The following RAC1 variants were observed in gnomAD, a reference collection of about 807,000 sequenced individuals.
The protein encoded by RAC1 is ras-related C3 botulinum toxin substrate 1.
In RAC1, 2 loss-of-function variants were observed where a neutral mutation model predicts 25.2. The observed-to-expected ratio is 0.08, with a 90% CI of 0.03 to 0.25. The LOEUF (loss-of-function observed/expected upper bound fraction) is 0.25. Among genes scored for constraint, RAC1 ranks in the 10% least tolerant of loss-of-function variants. RAC1 has a pLI of 1.00. For synonymous variants in RAC1, 88 were observed against 94.0 expected, an observed-to-expected ratio of 0.94 and a Z score of 0.37; for missense variants, 50 against 235.7, an observed-to-expected ratio of 0.21 and a Z score of 5.16.
chr7:6,384,040 C>T (rs1782853911), intron 1 of RAC1, among the ~76,000 whole-genome samples: 1 of 151,892 alleles, frequency 6.6e-6, no homozygotes, highest in Non-Finnish European at 1.5e-5. Flanking sequence ...GGTGATCCGC[C>T]CGCCTTGGCC....
intron 3 of RAC1, chr7:6,398,808 A>G: frequency 8.2e-7 from 1 of 1,216,846 alleles, no homozygotes; most frequent in South Asian, 1.3e-5. Context: ...TTAAGCCTCA[A>G]GCTCCTTGAG....
intron 2 of RAC1, among the ~76,000 whole-genome samples, chr7:6,387,540 G>A (rs1405533043): frequency 6.6e-6 from 1 of 151,930 alleles, no homozygotes; most frequent in African/African-American, 2.4e-5. Context: ...CATGGTCAAC[G>A]TGATGAAACC....
chr7:6,383,746 A>C (rs1467135376), intron 1 of RAC1, among the ~76,000 whole-genome samples: 2 of 136,402 alleles, frequency 1.5e-5, no homozygotes, highest in Non-Finnish European at 3.1e-5. Context: ...CTTGACACTG[A>C]GTGGCAACTA....
At chr7:6,397,572 C>T (rs1248022530) in intron 3 of RAC1, among the ~76,000 whole-genome samples, 2 of 152,154 alleles carry the variant, frequency 1.3e-5, no homozygotes, top group East Asian at 1.9e-4. Context: ...GGATTAGAGG[C>T]GTGAGCGCTT....
intron 1 of RAC1, among the ~76,000 whole-genome samples, chr7:6,378,049 C>T (rs1454915838): frequency 6.6e-6 from 1 of 152,152 alleles, no homozygotes; most frequent in Non-Finnish European, 1.5e-5. Context: ...CTTAAGGAAA[C>T]TCCTGCTCCT....
chr7:6,391,862 A>G, intron 2 of RAC1, 62 bp from the exon 3 acceptor site: 2 of 1,610,342 alleles, frequency 1.2e-6, no homozygotes, highest in South Asian at 2.2e-5. Flanking sequence ...CTTCTCTAGG[A>G]TGGCTGGGAC....
intron 2 of RAC1, among the ~76,000 whole-genome samples, chr7:6,389,773 A>T (rs1183495838): frequency 6.6e-6 from 1 of 151,976 alleles, no homozygotes; most frequent in African/African-American, 2.4e-5. Flanking sequence ...GTGATTCTCC[A>T]CCTTGGTCTC....
At chr7:6,378,165 C>G (rs1410355767) in intron 1 of RAC1, among the ~76,000 whole-genome samples, 1 of 150,066 alleles carries the variant, frequency 6.7e-6, no homozygotes, top group Non-Finnish European at 1.5e-5. Context: ...GTAAATAATT[C>G]CTTCATGAAA....
intron 3 of RAC1, among the ~76,000 whole-genome samples, chr7:6,396,480 A>C (rs1377079952): frequency 6.6e-6 from 1 of 152,178 alleles, no homozygotes; most frequent in Non-Finnish European, 1.5e-5. Context: ...CGCCGGGTGG[A>C]AAGTGGAACT....
At chr7:6,401,302 T>G (rs1274288209) in intron 4 of RAC1, among the ~76,000 whole-genome samples, 1 of 152,200 alleles carries the variant, frequency 6.6e-6, no homozygotes, top group Admixed American at 6.5e-5. Context: ...AGAAGTTTCC[T>G]GGGTCTCATT....
chr7:6,389,058 C>T (rs996434111), intron 2 of RAC1, among the ~76,000 whole-genome samples: 3 of 151,904 alleles, frequency 2.0e-5, no homozygotes, highest in East Asian at 1.9e-4. Flanking sequence ...AGTAGTTAGC[C>T]GGGTGTGGTG....
At chr7:6,381,878 C>T (rs1164534338) in intron 1 of RAC1, among the ~76,000 whole-genome samples, 1 of 152,172 alleles carries the variant, frequency 6.6e-6, no homozygotes, top group Non-Finnish European at 1.5e-5. Context: ...ATCCCCATAC[C>T]TTGTTTGTCA....
intron 1 of RAC1, among the ~76,000 whole-genome samples, chr7:6,378,468 C>A (rs979267549): frequency 6.6e-6 from 1 of 151,810 alleles, no homozygotes; most frequent in African/African-American, 2.4e-5. Context: ...ATCACTTGAA[C>A]CCGGAAGGCG....
At position 6,387,253 on chromosome 7, in the gene RAC1, A is replaced by G. The variant is rs1782949423; in HGVS notation, c.77A>G (p.Asn26Ser). The change falls in exon 2 of 6, where the codon AAT becomes AGT. Residue 26 changes from asparagine to serine, a missense_variant. By Grantham distance (46) the Asn-to-Ser change is conservative. Coordinates refer to ENST00000348035, the MANE Select transcript of RAC1 (RefSeq NM_006908.5). ...TGCCTACTGATCAGTTACACAACCA[A>G]TGCATTTCCTGGAGAATATATCCCT... The part of the protein sequence containing the change: ...KTCLLISYTT[N>S]AFPGEYIPTV... 1 of 1,569,798 alleles carries G rather than the reference A, an allele frequency of 6.4e-7. No individual in the cohort carries two copies. Among genetic ancestry groups the G allele is most frequent in the Non-Finnish European group, 8.6e-7 (1 of 1,163,198 alleles).
intron 1 of RAC1, among the ~76,000 whole-genome samples, chr7:6,379,133 A>C (rs1782690769): frequency 6.6e-6 from 1 of 152,112 alleles, no homozygotes; most frequent in African/African-American, 2.4e-5. Context: ...AGGTATTTAT[A>C]AACAACTTTT....
At chr7:6,375,267 T>A (rs1782548371) in intron 1 of RAC1, among the ~76,000 whole-genome samples, 2 of 152,106 alleles carry the variant, frequency 1.3e-5, no homozygotes, top group Non-Finnish European at 2.9e-5. Flanking sequence ...AAAAAATTTT[T>A]TTTTCATAGA....
At position 6,388,346 on chromosome 7, in the gene RAC1, C is replaced by CTTTTTT. The variant is rs71008389; in HGVS notation, c.107+1076_107+1081dup. On this transcript the variant is annotated intron_variant, in intron 2 of 5. Coordinates refer to ENST00000348035, the MANE Select transcript of RAC1 (RefSeq NM_006908.5). Reference sequence around the variant, plus strand: ...TTTTGTTGTTGTTGTTGTTGTTTTCCTTTTTTTTTTTTTTTTTTGGAGTTA... The same window carrying CTTTTTT: ...TTTTGTTGTTGTTGTTGTTGTTTTCCTTTTTTTTTTTTTTTTTTTTTTTTGGAGTTA... Among the ~76,000 whole-genome samples, 138 of 121,796 alleles carry CTTTTTT rather than the reference C, an allele frequency of 1.1e-3. 1 individual carries two copies. Among genetic ancestry groups the CTTTTTT allele is most frequent in the Non-Finnish European group, 1.9e-3 (111 of 59,194 alleles). 79.9% of individuals were successfully genotyped at this position (121,796 alleles called of 152,430 possible). A position where few individuals can be genotyped will look rare whatever the true frequency, so the allele number is the denominator to read the frequency against.
chr7:6,390,150 A>G (rs1367431161), intron 2 of RAC1, among the ~76,000 whole-genome samples: 6 of 119,102 alleles, frequency 5.0e-5, no homozygotes, highest in Non-Finnish European at 8.0e-5. Context: ...CCCAGGCCGG[A>G]CTTGAAGTAC....
chr7:6,400,922 G>A (rs772418494), intron 4 of RAC1, among the ~76,000 whole-genome samples: 5 of 152,078 alleles, frequency 3.3e-5, no homozygotes, highest in Admixed American at 6.6e-5. Flanking sequence ...TGATCCGCGC[G>A]TCTCGGCCTC....
Sources: gnomAD v4.1 joint callset for allele counts (sites outside exome capture counted in the v4.1 genomes callset) on GRCh38, gnomAD v4.1.1 for gene constraint, MANE v1.5 for transcripts, NCBI Gene and HGNC (gene_info 2026-07-23, HGNC 2026-07-21) for gene names.